Variants in ACTR3C observed in about 807,000 individuals in gnomAD.
The protein encoded by ACTR3C is actin related protein 3C.
A neutral mutation model predicts 26.3 loss-of-function variants in ACTR3C; 18 were observed. The ratio of observed to expected loss-of-function variants is 0.68; its 90% CI spans 0.47 to 1.01. ACTR3C has a LOEUF of 1.01. Ranked by LOEUF, ACTR3C falls within the 50% of genes least tolerant of loss-of-function variation. ACTR3C has a pLI of 0.00. For missense variants in ACTR3C, 184 were observed against 250.7 expected (o/e 0.73, Z 1.80); for synonymous variants, 55 against 94.5 (o/e 0.58, Z 2.42).
chr7:150,209,310 CAGAGAGAG>C, the ACTR3C span, among the ~76,000 whole-genome samples: 2 of 125,486 alleles, frequency 1.6e-5, no homozygotes, highest in Non-Finnish European at 3.2e-5. Context: ...GAGACAGAAA[CAGAGAGAG>C]AGAGAGAGAG....
At chr7:150,209,868 G>A in the ACTR3C span, among the ~76,000 whole-genome samples, 1 of 149,072 alleles carries the variant, frequency 6.7e-6, no homozygotes, top group Non-Finnish European at 1.5e-5. Context: ...GCAGTGGGCC[G>A]AGATTGGGCC....
At chr7:150,116,006 A>G in the ACTR3C span, among the ~76,000 whole-genome samples, 1 of 152,218 alleles carries the variant, frequency 6.6e-6, no homozygotes. Flanking sequence ...TTAAGGGAAA[A>G]GTGTCATAGA....
the ACTR3C span, among the ~76,000 whole-genome samples, chr7:149,882,927 C>T: frequency 2.6e-4 from 40 of 152,268 alleles, no homozygotes; most frequent in South Asian, 7.7e-3. Flanking sequence ...GTTCTGGCCT[C>T]CCCCAGAGCC....
the ACTR3C span, among the ~76,000 whole-genome samples, chr7:149,978,248 T>C: frequency 4.9e-4 from 74 of 152,174 alleles, 1 homozygote; most frequent in African/African-American, 1.7e-3. Context: ...CTGGTTACCA[T>C]GGACATAAGT....
chr7:149,922,256 C>T, the ACTR3C span, among the ~76,000 whole-genome samples: 1 of 136,742 alleles, frequency 7.3e-6, no homozygotes, highest in Non-Finnish European at 1.6e-5. Flanking sequence ...TTGTGGAGGA[C>T]AGGCGGGTTT....
chr7:150,310,984 G>A (rs10236779), intron 1 of ACTR3C, among the ~76,000 whole-genome samples: 6,214 of 152,122 alleles, frequency 0.041, 422 homozygotes, highest in African/African-American at 0.14. Flanking sequence ...CCTGCAGACC[G>A]TGTTCAGTTA....
chr7:150,037,923 G>T, the ACTR3C span, among the ~76,000 whole-genome samples: 1 of 138,302 alleles, frequency 7.2e-6, no homozygotes, highest in Admixed American at 7.0e-5. Flanking sequence ...GCGTCGCGAG[G>T]GGTGCCTCCC....
chr7:150,034,631 G>A, the ACTR3C span, among the ~76,000 whole-genome samples: 1 of 151,480 alleles, frequency 6.6e-6, no homozygotes, highest in Non-Finnish European at 1.5e-5. Context: ...CTGTTCCCGA[G>A]CTGCCTTCGG....
the ACTR3C span, among the ~76,000 whole-genome samples, chr7:150,050,318 T>G: frequency 0.017 from 2,527 of 152,352 alleles, 22 homozygotes; most frequent in Non-Finnish European, 0.028. Flanking sequence ...CAGAATAGTT[T>G]ATGTATCATA....
chr7:150,199,010 C>T, the ACTR3C span, among the ~76,000 whole-genome samples: 28 of 144,284 alleles, frequency 1.9e-4, no homozygotes, highest in African/African-American at 7.2e-4. Flanking sequence ...CCCGGCCAGC[C>T]GCCCCGTCCG....
the ACTR3C span, among the ~76,000 whole-genome samples, chr7:150,194,574 G>T: frequency 6.6e-6 from 1 of 151,714 alleles, no homozygotes; most frequent in Admixed American, 6.6e-5. Context: ...TATTACAGTT[G>T]ATCTCTTTGG....
the ACTR3C span, among the ~76,000 whole-genome samples, chr7:149,922,646 CT>C: frequency 6.6e-6 from 1 of 151,670 alleles, no homozygotes; most frequent in South Asian, 2.1e-4. Flanking sequence ...TGAATTTTAG[CT>C]GTTTTCTTCT....
the ACTR3C span, among the ~76,000 whole-genome samples, chr7:149,962,115 G>A: frequency 1.3e-5 from 2 of 152,164 alleles, no homozygotes; most frequent in Non-Finnish European, 2.9e-5. Flanking sequence ...CTCACAGGAA[G>A]TGTATGCTCA....
the ACTR3C span, among the ~76,000 whole-genome samples, chr7:150,185,537 T>A: frequency 2.2e-4 from 33 of 152,316 alleles, no homozygotes; most frequent in Non-Finnish European, 4.1e-4. Flanking sequence ...ACTGTGATTC[T>A]GAGGCAAGTT....
At chr7:150,014,402 GC>G in the ACTR3C span, among the ~76,000 whole-genome samples, 1 of 149,358 alleles carries the variant, frequency 6.7e-6, no homozygotes, top group South Asian at 2.1e-4. Context: ...CTTGCAGTGA[GC>G]TGAGATCGCA....
chr7:149,967,181 C>T, the ACTR3C span, among the ~76,000 whole-genome samples: 1 of 151,754 alleles, frequency 6.6e-6, no homozygotes, highest in Non-Finnish European at 1.5e-5. Context: ...ACTACAGGTG[C>T]CCACCACCAC....
the ACTR3C span, among the ~76,000 whole-genome samples, chr7:150,012,219 C>A: frequency 6.6e-6 from 1 of 151,046 alleles, no homozygotes; most frequent in African/African-American, 2.4e-5. Context: ...TTTCTTTATT[C>A]TTTCCCTTTC....
At position 150,288,225 on chromosome 7, in the gene ACTR3C, C is replaced by T. The variant is rs775505633; in HGVS notation, c.297+1225G>A. Among the ~76,000 whole-genome samples, 102 of 146,408 alleles carry T rather than the reference C, an allele frequency of 7.0e-4. 4 individuals are homozygous for T. The highest frequency in any genetic ancestry group is 1.3e-3 in the Non-Finnish European group (86 of 67,596). ...AGACACATAGTCACATCGAGCACAT[C>T]AGCCCAGATTTCAGGGTCCAAATTG... On this transcript the variant is annotated intron_variant, in intron 4 of 7. Transcript: ENST00000683684.
At chr7:150,171,933 T>G in the ACTR3C span, among the ~76,000 whole-genome samples, 4 of 150,716 alleles carry the variant, frequency 2.7e-5, no homozygotes, top group Non-Finnish European at 5.9e-5. Flanking sequence ...TGCCTCAGCC[T>G]TCTGAGTAGC....
Sources: allele counts gnomAD v4.1 joint callset (sites outside exome capture counted in the v4.1 genomes callset), GRCh38; gene constraint gnomAD v4.1.1; transcripts MANE v1.5; gene names NCBI Gene and HGNC (gene_info 2026-07-23, HGNC 2026-07-21).